CSMD1: variants seen among roughly 807,000 people sequenced by gnomAD.
CSMD1 encodes the protein CUB and sushi domain-containing protein 1.
CSMD1 carries 213 observed loss-of-function variants against 417.5 expected under a neutral mutation model. The observed-to-expected ratio is 0.51, with a 90% CI of 0.46 to 0.57. The LOEUF (loss-of-function observed/expected upper bound fraction) is 0.57. Ranked by LOEUF, CSMD1 falls within the 20% of genes least tolerant of loss-of-function variation. CSMD1 has a pLI of 0.00. For missense variants in CSMD1, 6,923 were observed against 4,529.7 expected, an observed-to-expected ratio of 1.53 and a Z score of -15.17; for synonymous variants, 2,862 against 1,736.8, an observed-to-expected ratio of 1.65 and a Z score of -16.11.
In CSMD1 at chr8:4,912,800, G is replaced by T. The variant is rs192609466; in HGVS notation, c.85+81532C>A. 1.5e-3 allele frequency among the ~76,000 whole-genome samples: 224 copies of T among 151,374 alleles called. 4 individuals carry two copies. Among genetic ancestry groups the T allele is most frequent in the Admixed American group, 6.4e-3 (97 of 15,214 alleles). On this transcript the variant is annotated intron_variant, in intron 1 of 69. Coordinates refer to ENST00000635120, the MANE Select transcript of CSMD1 (RefSeq NM_033225.6). ...ACAGCACCAGCTATTTTTTTTGGAG[G>T]GGGGGCACAGAGTCTTGCTCTGTCT... is the stretch of plus-strand genomic sequence containing the variant.
chr8:3,539,335 T>C (rs1434991972), intron 10 of CSMD1, among the ~76,000 whole-genome samples: 3 of 152,188 alleles, frequency 2.0e-5, no homozygotes, highest in Non-Finnish European at 4.4e-5. Flanking sequence ...GCTCTTTCTC[T>C]ACTCCTGGTT....
chr8:4,893,519 C>G (rs1035061472), intron 1 of CSMD1, among the ~76,000 whole-genome samples: 10 of 152,074 alleles, frequency 6.6e-5, no homozygotes, highest in African/African-American at 2.4e-4. Context: ...TTTAATTTAC[C>G]CACTTTGAAT....
At chr8:4,978,405 G>C (rs572856207) in intron 1 of CSMD1, among the ~76,000 whole-genome samples, 1 of 152,232 alleles carries the variant, frequency 6.6e-6, no homozygotes, top group Non-Finnish European at 1.5e-5. Flanking sequence ...TCTATGTTTA[G>C]TTTGGGTGGA....
chr8:3,958,450 G>C (rs772305567), intron 5 of CSMD1, among the ~76,000 whole-genome samples: 4 of 151,114 alleles, frequency 2.6e-5, no homozygotes, highest in Admixed American at 1.3e-4. Context: ...TGAAATATTT[G>C]TTTTATTTTT....
chr8:3,576,488 T>G (rs1356354625), intron 9 of CSMD1, among the ~76,000 whole-genome samples: 2 of 152,190 alleles, frequency 1.3e-5, no homozygotes, highest in African/African-American at 4.8e-5. Context: ...TGGGACAACA[T>G]AATTTGAGAC....
At chr8:4,269,280 C>A (rs971475764) in intron 3 of CSMD1, among the ~76,000 whole-genome samples, 2 of 152,110 alleles carry the variant, frequency 1.3e-5, no homozygotes, top group Non-Finnish European at 2.9e-5. Flanking sequence ...TGGTCTTGAA[C>A]CTCCAACTCT....
chr8:3,088,148 G>C (rs182082361), intron 48 of CSMD1, among the ~76,000 whole-genome samples: 3 of 152,278 alleles, frequency 2.0e-5, no homozygotes, highest in East Asian at 1.9e-4. Context: ...TAAAACTAGA[G>C]ATGGGCATTT....
chr8:3,838,282 C>A (rs1398830187), intron 5 of CSMD1, among the ~76,000 whole-genome samples: 1 of 151,926 alleles, frequency 6.6e-6, no homozygotes, highest in Non-Finnish European at 1.5e-5. Flanking sequence ...ACACCTGTAA[C>A]CCCCAACACT....
At chr8:3,925,089 C>G (rs776622820) in intron 5 of CSMD1, among the ~76,000 whole-genome samples, 3 of 152,146 alleles carry the variant, frequency 2.0e-5, no homozygotes, top group Non-Finnish European at 4.4e-5. Context: ...CCCCACTTCT[C>G]TTATTCTTTC....
At chr8:4,588,527 G>T (rs1212109451) in intron 2 of CSMD1, among the ~76,000 whole-genome samples, 4 of 151,726 alleles carry the variant, frequency 2.6e-5, no homozygotes, top group East Asian at 2.0e-4. Context: ...GGGCATGGTG[G>T]CACATGCCTG....
intron 25 of CSMD1, among the ~76,000 whole-genome samples, chr8:3,306,984 G>A (rs568926474): frequency 1.3e-5 from 2 of 152,070 alleles, no homozygotes; most frequent in Admixed American, 6.5e-5. Context: ...TCTTTTATAT[G>A]TGTTACTTTA....
intron 10 of CSMD1, among the ~76,000 whole-genome samples, chr8:3,572,079 T>C (rs1254074182): frequency 6.6e-6 from 1 of 152,170 alleles, no homozygotes; most frequent in Non-Finnish European, 1.5e-5. Context: ...TCGGTGTCCC[T>C]GCAGGCATTT....
chr8:3,288,506 C>G (rs925297540), intron 25 of CSMD1, among the ~76,000 whole-genome samples: 2 of 147,238 alleles, frequency 1.4e-5, no homozygotes, highest in Non-Finnish European at 2.9e-5. Context: ...AGAGATTCAA[C>G]TTCTTCCTGG....
chr8:3,901,487 C>A (rs941646306), intron 5 of CSMD1, among the ~76,000 whole-genome samples: 3 of 152,196 alleles, frequency 2.0e-5, no homozygotes, highest in African/African-American at 7.2e-5. Context: ...CTCACACATG[C>A]ATTGTCAGTT....
chr8:3,860,076 G>A (rs1255211122), intron 5 of CSMD1, among the ~76,000 whole-genome samples: 2 of 151,920 alleles, frequency 1.3e-5, no homozygotes, highest in Non-Finnish European at 2.9e-5. Context: ...GGTTAGTTGT[G>A]GATAATAGGT....
At chr8:3,751,253 T>A (rs1291460775) in intron 6 of CSMD1, among the ~76,000 whole-genome samples, 2 of 151,578 alleles carry the variant, frequency 1.3e-5, no homozygotes. Context: ...CGTTTTAGAA[T>A]TAAATGCCAA....
intron 26 of CSMD1, among the ~76,000 whole-genome samples, chr8:3,271,009 T>G (rs1302480554): frequency 2.0e-5 from 3 of 151,956 alleles, no homozygotes; most frequent in Non-Finnish European, 2.9e-5. Context: ...ACATGTGCCA[T>G]GCTGGTGCGC....
intron 22 of CSMD1, among the ~76,000 whole-genome samples, chr8:3,344,678 ATG>A (rs1199082137): frequency 6.6e-6 from 1 of 152,136 alleles, no homozygotes; most frequent in Non-Finnish European, 1.5e-5. Context: ...GGCTCTTCCA[ATG>A]TGTTTGTCTA....
chr8:4,171,551 C>G (rs1321565225), intron 3 of CSMD1, among the ~76,000 whole-genome samples: 1 of 151,758 alleles, frequency 6.6e-6, no homozygotes, highest in Non-Finnish European at 1.5e-5. Flanking sequence ...TGTACAATAA[C>G]TACTGGATAT....
Sources: gnomAD v4.1 joint callset for allele counts (sites outside exome capture counted in the v4.1 genomes callset) on GRCh38, gnomAD v4.1.1 for gene constraint, MANE v1.5 for transcripts, NCBI Gene and HGNC (gene_info 2026-07-23, HGNC 2026-07-21) for gene names.